Variants in C14orf93 observed in about 807,000 individuals in gnomAD.
C14orf93 encodes the protein uncharacterized protein C14orf93.
C14orf93 carries 23 observed loss-of-function variants against 44.0 expected under a neutral mutation model. That is an observed-to-expected ratio of 0.52 (90% confidence interval 0.38 to 0.74). The LOEUF is 0.74. Ranked by LOEUF, C14orf93 falls within the 30% of genes least tolerant of loss-of-function variation. The pLI, the probability that C14orf93 is intolerant of heterozygous loss-of-function variation, is 0.00. For missense variants in C14orf93, 579 were observed against 678.9 expected, an observed-to-expected ratio of 0.85 and a Z score of 1.64; for synonymous variants, 253 against 265.7, an observed-to-expected ratio of 0.95 and a Z score of 0.46.
intron 1 of C14orf93, among the ~76,000 whole-genome samples, chr14:23,002,081 G>A (rs1452870111): frequency 5.4e-5 from 8 of 149,430 alleles, no homozygotes; most frequent in African/African-American, 2.0e-4. Context: ...CCCGGGAGGC[G>A]GAGCTTGCAG....
chr14:22,992,818 C>T (rs1415569513), intron 3 of C14orf93, among the ~76,000 whole-genome samples: 14 of 151,898 alleles, frequency 9.2e-5, no homozygotes, highest in South Asian at 4.1e-4. Flanking sequence ...CTCCTGACCT[C>T]GTGATCCACC....
chr14:22,995,166 G>A (rs1214533267), intron 3 of C14orf93, among the ~76,000 whole-genome samples: 1 of 152,208 alleles, frequency 6.6e-6, no homozygotes, highest in Non-Finnish European at 1.5e-5. Context: ...CTCTTGGAAT[G>A]ACTGGAATCT....
intron 1 of C14orf93, among the ~76,000 whole-genome samples, chr14:23,003,878 ATATATATATATATATATATATTTTTTTT>A (rs1366143928): frequency 1.7e-3 from 28 of 16,304 alleles, no homozygotes; most frequent in Middle Eastern, 0.017. Flanking sequence ...ATATATATAT[ATATATATATATATATATATATTTTTTTT>A]TTTTTTTTTT....
At chr14:22,990,822 CT>C (rs754334097) in intron 3 of C14orf93, among the ~76,000 whole-genome samples, 153 of 130,196 alleles carry the variant, frequency 1.2e-3, no homozygotes, top group Middle Eastern at 9.3e-3. Context: ...CTTTCCTTTT[CT>C]TTTTTTTTTT....
At chr14:23,006,325 C>T (rs2046616281) in intron 1 of C14orf93, 1 of 152,102 alleles carries the variant, frequency 6.6e-6, no homozygotes, top group African/African-American at 2.4e-5. Context: ...ATACTATTTT[C>T]CCACATTTTA....
chr14:23,004,841 C>T (rs902218690), intron 1 of C14orf93, among the ~76,000 whole-genome samples: 1 of 152,070 alleles, frequency 6.6e-6, no homozygotes, highest in South Asian at 2.1e-4. Flanking sequence ...TCACTTGAAC[C>T]CGGGAGGTGG....
At chr14:22,990,904 T>C (rs2045575030) in intron 3 of C14orf93, among the ~76,000 whole-genome samples, 1 of 151,244 alleles carries the variant, frequency 6.6e-6, no homozygotes, top group South Asian at 2.1e-4. Context: ...CTGCAAGCTC[T>C]GCCTCTCGGG....
intron 3 of C14orf93, among the ~76,000 whole-genome samples, chr14:22,994,493 G>A (rs768748855): frequency 2.6e-5 from 4 of 151,148 alleles, no homozygotes; most frequent in South Asian, 2.1e-4. Context: ...GTGACAGAGC[G>A]AGACTAAAAA....
At chr14:22,988,134 CT>C (rs376906084) in intron 5 of C14orf93, 119 bp from the exon 6 acceptor site, 107,280 of 453,832 alleles carry the variant, frequency 0.24, 199 homozygotes, top group South Asian at 0.28. Context: ...TAGATGAGGG[CT>C]TTTTTTTTTT....
chr14:22,988,982 T>C (rs913666482), intron 5 of C14orf93, among the ~76,000 whole-genome samples: 6 of 152,098 alleles, frequency 3.9e-5, no homozygotes, highest in Non-Finnish European at 7.4e-5. Context: ...TGATGGAAGA[T>C]TACAAGTATT....
At chr14:23,005,535 T>C (rs537860221) in intron 1 of C14orf93, 2 of 152,314 alleles carry the variant, frequency 1.3e-5, no homozygotes, top group Admixed American at 6.5e-5. Context: ...ACATTTTAAA[T>C]TTCAAATGAT....
intron 1 of C14orf93, chr14:23,007,145 AC>A (rs1037549598): frequency 6.6e-6 from 1 of 152,182 alleles, no homozygotes; most frequent in African/African-American, 2.4e-5. Context: ...CTGCCCGTGT[AC>A]CCGGCTACCG....
chr14:22,989,701 G>A (rs2045473602), intron 5 of C14orf93, 41 bp downstream of exon 5: 3 of 1,316,500 alleles, frequency 2.3e-6, no homozygotes, highest in South Asian at 2.4e-5. Context: ...GGAGGAGAGG[G>A]GGAGAAAGGA....
chr14:23,003,255 C>G (rs2046399525), intron 1 of C14orf93, among the ~76,000 whole-genome samples: 1 of 152,182 alleles, frequency 6.6e-6, no homozygotes, highest in Non-Finnish European at 1.5e-5. Context: ...ACAGTGTGGT[C>G]TAGCACAATG....
chr14:22,991,926 T>C (rs1247101431), intron 3 of C14orf93, among the ~76,000 whole-genome samples: 3 of 152,224 alleles, frequency 2.0e-5, no homozygotes, highest in South Asian at 2.1e-4. Flanking sequence ...CGGGTTTGTC[T>C]GTGGCTTTAT....
chr14:22,998,732 C>G lies in C14orf93; in HGVS notation c.292G>C (p.Gly98Arg). The change falls in exon 2 of 7, where the codon GGT (glycine) becomes CGT (arginine). Residue 98 changes from glycine (G) to arginine (R), a missense_variant. Gly to Arg is a moderately radical substitution (Grantham distance 125). Transcript: ENST00000299088. ...ELLKRLQEEVGDLRQGKVSIP... is the reference protein window; with the variant it reads ...ELLKRLQEEVRDLRQGKVSIP... Reference sequence around the variant, plus strand: ...GACACTTTCCCTTGCCTCAGGTCACCCACTTCCTCCTGGAGACGTTTTAAC... The same window carrying G: ...GACACTTTCCCTTGCCTCAGGTCACGCACTTCCTCCTGGAGACGTTTTAAC... 3 of 1,614,248 alleles carry G rather than the reference C, an allele frequency of 1.9e-6. No individual in the cohort carries two copies. The highest frequency in any genetic ancestry group is 2.5e-6 in the Non-Finnish European group (3 of 1,180,044).
At chr14:22,995,655 G>C (rs370136586) in intron 3 of C14orf93, among the ~76,000 whole-genome samples, 49 of 146,010 alleles carry the variant, frequency 3.4e-4, no homozygotes, top group African/African-American at 1.2e-3. Context: ...ACTGCAGCCT[G>C]GGTGACAGAG....
intron 1 of C14orf93, chr14:23,005,199 T>C (rs867204789): frequency 1.3e-5 from 2 of 151,928 alleles, no homozygotes; most frequent in African/African-American, 4.8e-5. Context: ...AAGGCGCTTA[T>C]ATAGTAAGAT....
chr14:23,004,288 G>C (rs1299276859), intron 1 of C14orf93, among the ~76,000 whole-genome samples: 6 of 151,268 alleles, frequency 4.0e-5, no homozygotes, highest in Non-Finnish European at 8.8e-5. Context: ...TCGGCTCACT[G>C]CAACTTCTGC....
Sources: allele counts gnomAD v4.1 joint callset (sites outside exome capture counted in the v4.1 genomes callset), GRCh38; gene constraint gnomAD v4.1.1; transcripts MANE v1.5; gene names NCBI Gene and HGNC (gene_info 2026-07-23, HGNC 2026-07-21).